The following SLC9A7 variants were observed in gnomAD, a reference collection of about 807,000 sequenced individuals.
The protein encoded by SLC9A7 is sodium/hydrogen exchanger 7.
A neutral mutation model predicts 52.6 loss-of-function variants in SLC9A7; 19 were observed. The ratio of observed to expected loss-of-function variants is 0.36; its 90% CI spans 0.25 to 0.53. The LOEUF (loss-of-function observed/expected upper bound fraction) is 0.53, where lower values mean the gene tolerates loss of function less well. SLC9A7 is among the 20% of genes least tolerant of loss of function. The probability of loss-of-function intolerance (pLI) is 0.91; values close to 1 mark genes in which losing one functional copy is unlikely to be tolerated. For missense variants in SLC9A7, 455 were observed against 597.9 expected (o/e 0.76, Z 2.49); for synonymous variants, 226 against 252.1 (o/e 0.90, Z 0.98).
At chrX:46,633,590 A>G (rs1943267149) in intron 13 of SLC9A7, among the ~76,000 whole-genome samples, 1 of 108,328 alleles carries the variant, frequency 9.2e-6, no homozygotes, top group African/African-American at 3.4e-5. Flanking sequence ...CTCTGGGAAG[A>G]GGAGGTAAAG....
intron 16 of SLC9A7, among the ~76,000 whole-genome samples, chrX:46,612,639 A>T (rs1240576708): frequency 9.0e-6 from 1 of 111,197 alleles, no homozygotes; most frequent in African/African-American, 3.3e-5. Flanking sequence ...TAGAAAACTG[A>T]GATGCAGGCC....
intron 1 of SLC9A7, among the ~76,000 whole-genome samples, chrX:46,738,866 C>T (rs1921096142): frequency 1.8e-5 from 2 of 110,999 alleles, no homozygotes; most frequent in African/African-American, 6.5e-5. Flanking sequence ...CTAAACTCAT[C>T]AAAAACGGTC....
At chrX:46,617,686 GT>G (rs1442043752) in intron 15 of SLC9A7, among the ~76,000 whole-genome samples, 1 of 111,893 alleles carries the variant, frequency 8.9e-6, no homozygotes, top group Non-Finnish European at 1.9e-5. Flanking sequence ...CTCCTTTTTA[GT>G]TTTTTTCCAA....
chrX:46,648,949 A>G (rs1943538572), intron 10 of SLC9A7, 152 bp from the exon 11 acceptor site: 2 of 422,993 alleles, frequency 4.7e-6, no homozygotes. Flanking sequence ...GTTCCCCCCT[A>G]GACAAGTTTC....
Position 46,599,456 on chromosome X carries a change from C to A in SLC9A7, c.*7496G>T, listed in dbSNP as rs1348233401. 8.9e-6 allele frequency: 1 copy of A among 111,821 alleles called. No individual in the cohort carries two copies. Among genetic ancestry groups the A allele is most frequent in the African/African-American group, 3.3e-5 (1 of 30,717 alleles). The allele number at this position is 111,821 out of a possible 1,213,427, so 9.2% of individuals were successfully genotyped here. On this transcript the variant is annotated 3_prime_UTR_variant, in exon 17 of 17. Coordinates refer to ENST00000616978, the MANE Select transcript of SLC9A7 (RefSeq NM_001257291.2). ...ACAGATGATACTTTACTTTAAAATACAAAACAAAATTAGCTCAGCCAGTTA... is the reference window on the plus strand; with the variant it reads ...ACAGATGATACTTTACTTTAAAATAAAAAACAAAATTAGCTCAGCCAGTTA...
intron 1 of SLC9A7, among the ~76,000 whole-genome samples, chrX:46,754,615 C>T (rs1556290704): frequency 8.9e-6 from 1 of 112,063 alleles, no homozygotes; most frequent in East Asian, 2.8e-4. Context: ...AATCCAGCTC[C>T]ACCACAGCAA....
intron 11 of SLC9A7, chrX:46,647,117 G>T: frequency 3.0e-6 from 1 of 338,236 alleles, no homozygotes; most frequent in Admixed American, 2.7e-5. Flanking sequence ...CAGGTCAGTG[G>T]CATCTGGCAC....
chrX:46,664,830 T>C (rs2146823838), intron 5 of SLC9A7, among the ~76,000 whole-genome samples: 1 of 110,857 alleles, frequency 9.0e-6, no homozygotes, highest in Non-Finnish European at 1.9e-5. Context: ...TAGTTCACTA[T>C]AGCCTGGAAC....
intron 12 of SLC9A7, among the ~76,000 whole-genome samples, 178 bp downstream of exon 12, chrX:46,643,058 C>G (rs764083441): frequency 8.9e-6 from 1 of 112,041 alleles, no homozygotes; most frequent in South Asian, 3.7e-4. Context: ...CTGGAAAACC[C>G]CATACTCCAA....
At chrX:46,690,236 C>A (rs5952923) in intron 1 of SLC9A7, among the ~76,000 whole-genome samples, 27,878 of 111,164 alleles carry the variant, frequency 0.25, 2,658 homozygotes, top group South Asian at 0.44. Flanking sequence ...CATCCTCATC[C>A]ACATTTGGTA....
intron 4 of SLC9A7, among the ~76,000 whole-genome samples, chrX:46,670,593 T>C (rs1272274713): frequency 9.0e-6 from 1 of 111,352 alleles, no homozygotes; most frequent in Non-Finnish European, 1.9e-5. Context: ...CTTGACTCAT[T>C]ATACCCTACA....
intron 13 of SLC9A7, 104 bp from the exon 14 acceptor site, chrX:46,631,753 C>A: frequency 1.6e-6 from 1 of 610,734 alleles, no homozygotes; most frequent in East Asian, 3.4e-5. Context: ...ATCATCTTCC[C>A]GAAGCATAAG....
At chrX:46,661,307 G>C (rs1318457703) in intron 7 of SLC9A7, among the ~76,000 whole-genome samples, 2 of 109,475 alleles carry the variant, frequency 1.8e-5, no homozygotes, top group South Asian at 3.9e-4. Flanking sequence ...CACCAGCATG[G>C]CACATGTATA....
chrX:46,702,565 T>C (rs2146918441), intron 1 of SLC9A7, among the ~76,000 whole-genome samples: 1 of 111,907 alleles, frequency 8.9e-6, no homozygotes, highest in Admixed American at 9.5e-5. Flanking sequence ...TTAATTTGCT[T>C]AGGATTATGG....
intron 3 of SLC9A7, among the ~76,000 whole-genome samples, chrX:46,678,160 C>T (rs1055631043): frequency 9.0e-6 from 1 of 110,505 alleles, no homozygotes; most frequent in African/African-American, 3.3e-5. Context: ...CTCAACTGAC[C>T]TAGCTAGAGT....
At chrX:46,757,566 G>T (rs1556293370) in intron 1 of SLC9A7, among the ~76,000 whole-genome samples, 1 of 112,712 alleles carries the variant, frequency 8.9e-6, no homozygotes, top group Admixed American at 9.4e-5. Flanking sequence ...AGGGCACCTG[G>T]ATGGAAACTG....
intron 12 of SLC9A7, among the ~76,000 whole-genome samples, chrX:46,637,966 C>A (rs997827979): frequency 8.9e-6 from 1 of 111,856 alleles, no homozygotes; most frequent in Non-Finnish European, 1.9e-5. Context: ...ACAGCTAACT[C>A]CTATTTATGG....
chrX:46,673,418 A>G (rs1052251685), intron 3 of SLC9A7, among the ~76,000 whole-genome samples: 2 of 111,216 alleles, frequency 1.8e-5, no homozygotes, highest in Non-Finnish European at 3.8e-5. Flanking sequence ...TCTTGGAAGG[A>G]TTTACTTCTT....
intron 1 of SLC9A7, among the ~76,000 whole-genome samples, chrX:46,727,974 T>C (rs1049410026): frequency 1.8e-5 from 2 of 112,064 alleles, no homozygotes; most frequent in East Asian, 2.8e-4. Flanking sequence ...TAAGTCTATA[T>C]GTAAGATGGA....
Sources: allele counts gnomAD v4.1 joint callset (sites outside exome capture counted in the v4.1 genomes callset), GRCh38; gene constraint gnomAD v4.1.1; transcripts MANE v1.5; gene names NCBI Gene and HGNC (gene_info 2026-07-23, HGNC 2026-07-21).